Variants in RORA observed in about 807,000 individuals in gnomAD.
The protein encoded by RORA is nuclear receptor ROR-alpha.
In RORA, 7 loss-of-function variants were observed where a neutral mutation model predicts 69.5. The observed-to-expected ratio is 0.10, with a 90% CI of 0.06 to 0.19. RORA has a LOEUF of 0.19. Among genes scored for constraint, RORA ranks in the 10% least tolerant of loss-of-function variants. The pLI, the probability that RORA is intolerant of heterozygous loss-of-function variation, is 1.00. For synonymous variants in RORA, 261 were observed against 240.8 expected (o/e 1.08, Z -0.78); for missense variants, 457 against 663.0 (o/e 0.69, Z 3.41).
intron 2 of RORA, among the ~76,000 whole-genome samples, chr15:60,573,479 T>G (rs138587547): frequency 6.6e-6 from 1 of 152,190 alleles, no homozygotes; most frequent in Non-Finnish European, 1.5e-5. Context: ...ACTGAGAATA[T>G]CTGATTGTTT....
chr15:60,764,058 C>A (rs1169848591), intron 1 of RORA: 1 of 152,020 alleles, frequency 6.6e-6, no homozygotes, highest in African/African-American at 2.4e-5. Flanking sequence ...ATAAAAGAAC[C>A]CGTTTTGTTT....
chr15:60,644,681 C>T (rs1028733859), intron 2 of RORA, among the ~76,000 whole-genome samples: 31 of 152,208 alleles, frequency 2.0e-4, no homozygotes, highest in African/African-American at 7.5e-4. Context: ...GTATCCTTCA[C>T]ATTTCCATGC....
chr15:61,174,168 C>A (rs2079608191), intron 1 of RORA, among the ~76,000 whole-genome samples: 2 of 152,232 alleles, frequency 1.3e-5, no homozygotes, highest in South Asian at 4.1e-4. Flanking sequence ...AAATGTATGT[C>A]TCATGCTTTC....
chr15:60,741,750 G>C (rs1265112642), intron 1 of RORA, among the ~76,000 whole-genome samples: 1 of 152,194 alleles, frequency 6.6e-6, no homozygotes, highest in Non-Finnish European at 1.5e-5. Context: ...CCTCTCCCTG[G>C]AAATTTAGAG....
chr15:60,676,197 T>G (rs2070550619), intron 2 of RORA, among the ~76,000 whole-genome samples: 1 of 152,218 alleles, frequency 6.6e-6, no homozygotes, highest in Admixed American at 6.5e-5. Flanking sequence ...TTTGGGTGAC[T>G]GTTATTAGAG....
intron 1 of RORA, among the ~76,000 whole-genome samples, chr15:61,145,625 T>C (rs575927252): frequency 6.6e-6 from 1 of 152,354 alleles, no homozygotes; most frequent in South Asian, 2.1e-4. Flanking sequence ...CAATTTCACA[T>C]AGTCCTAAAA....
At chr15:60,825,119 G>A (rs1213486617) in intron 1 of RORA, among the ~76,000 whole-genome samples, 4 of 152,174 alleles carry the variant, frequency 2.6e-5, no homozygotes, top group East Asian at 1.9e-4. Context: ...TTCCTGTGCC[G>A]TGGCATCAGA....
chr15:61,144,525 C>A (rs960962680), intron 1 of RORA, among the ~76,000 whole-genome samples: 3 of 152,086 alleles, frequency 2.0e-5, no homozygotes, highest in African/African-American at 7.2e-5. Flanking sequence ...GGAGGCAGTC[C>A]ATAGAAACAG....
chr15:60,861,009 T>G (rs1047364941), intron 1 of RORA, among the ~76,000 whole-genome samples: 5 of 152,210 alleles, frequency 3.3e-5, no homozygotes, highest in African/African-American at 1.2e-4. Context: ...AAAAGTCCAT[T>G]AATAATGATG....
chr15:61,021,294 G>A (rs567950388), intron 1 of RORA, among the ~76,000 whole-genome samples: 11 of 152,322 alleles, frequency 7.2e-5, no homozygotes, highest in South Asian at 2.1e-4. Flanking sequence ...CAGAGGCTCC[G>A]TGAATGACTA....
rs1040486480 is a variant in RORA at position 60,718,019 on chromosome 15, G to A, written c.167-39333C>T. Among the ~76,000 whole-genome samples, 13 of 151,904 alleles carry A rather than the reference G, an allele frequency of 8.6e-5. No homozygotes were observed. The East Asian group carries it at 1.4e-3, about 16-fold the overall frequency. On this transcript the variant is annotated intron_variant, in intron 1 of 10. Coordinates refer to ENST00000335670, the MANE Select transcript of RORA (RefSeq NM_134261.3). ...TCACCATGTTGGCCAGGCTAGTCTC[G>A]AACTCCCGACCTCAAGTGATCCACC...
At chr15:61,169,592 T>C (rs1672005022) in intron 1 of RORA, among the ~76,000 whole-genome samples, 1 of 151,318 alleles carries the variant, frequency 6.6e-6, no homozygotes, top group Non-Finnish European at 1.5e-5. Context: ...TTTCTAGCCT[T>C]GATGTTTCTT....
At chr15:60,752,868 T>C (rs1007417219) in intron 1 of RORA, among the ~76,000 whole-genome samples, 32 of 152,286 alleles carry the variant, frequency 2.1e-4, no homozygotes, top group African/African-American at 7.7e-4. Flanking sequence ...CAGTGCAGAT[T>C]AGATTCATTT....
At chr15:61,030,747 A>G (rs1296464446) in intron 1 of RORA, among the ~76,000 whole-genome samples, 2 of 152,170 alleles carry the variant, frequency 1.3e-5, no homozygotes, top group African/African-American at 2.4e-5. Flanking sequence ...TCTAAAACAG[A>G]TTTTTAAGGT....
intron 1 of RORA, among the ~76,000 whole-genome samples, chr15:61,033,048 T>C (rs1406730241): frequency 6.6e-6 from 1 of 152,120 alleles, no homozygotes; most frequent in Admixed American, 6.6e-5. Flanking sequence ...GGGGAACAGA[T>C]TCAGATCTGC....
chr15:61,089,012 C>A (rs1184296041), intron 1 of RORA, among the ~76,000 whole-genome samples: 1 of 152,220 alleles, frequency 6.6e-6, no homozygotes, highest in African/African-American at 2.4e-5. Flanking sequence ...ACACCCAACA[C>A]CAGCTCTGTT....
intron 1 of RORA, among the ~76,000 whole-genome samples, chr15:60,939,737 C>T (rs572398926): frequency 2.0e-5 from 3 of 152,276 alleles, no homozygotes; most frequent in South Asian, 2.1e-4. Context: ...TAACTCTTCC[C>T]GGGTTGTTCC....
At chr15:61,018,596 G>A (rs1282133128) in intron 1 of RORA, among the ~76,000 whole-genome samples, 1 of 152,030 alleles carries the variant, frequency 6.6e-6, no homozygotes, top group East Asian at 1.9e-4. Context: ...ACATCTGCAT[G>A]CATGTATATA....
intron 1 of RORA, among the ~76,000 whole-genome samples, chr15:60,689,645 T>C (rs1242931133): frequency 1.3e-5 from 2 of 152,188 alleles, no homozygotes; most frequent in African/African-American, 4.8e-5. Flanking sequence ...GGACCAGTCA[T>C]CTGAATACTT....
Sources: gnomAD v4.1 joint callset for allele counts (sites outside exome capture counted in the v4.1 genomes callset) on GRCh38, gnomAD v4.1.1 for gene constraint, MANE v1.5 for transcripts, NCBI Gene and HGNC (gene_info 2026-07-23, HGNC 2026-07-21) for gene names.